GALNT10: variants seen among roughly 807,000 people sequenced by gnomAD.
GALNT10 encodes GalNAc transferase 10.
A neutral mutation model predicts 75.0 loss-of-function variants in GALNT10; 41 were observed. That is an observed-to-expected ratio of 0.55 (90% CI 0.43 to 0.71). GALNT10 has a LOEUF of 0.71. Ranked by LOEUF, GALNT10 falls within the 30% of genes least tolerant of loss-of-function variation. The probability of loss-of-function intolerance (pLI) is 0.00; values close to 1 mark genes in which losing one functional copy is unlikely to be tolerated. For synonymous variants in GALNT10, 302 were observed against 313.0 expected, an observed-to-expected ratio of 0.96 and a Z score of 0.37; for missense variants, 727 against 818.5, an observed-to-expected ratio of 0.89 and a Z score of 1.36.
chr5:154,360,095 G>A (rs1444149266), intron 4 of GALNT10, among the ~76,000 whole-genome samples: 3 of 152,094 alleles, frequency 2.0e-5, no homozygotes, highest in Non-Finnish European at 4.4e-5. Flanking sequence ...GTATTCATCA[G>A]TAGGCTAAGG....
At chr5:154,243,069 C>G (rs1448427835) in intron 1 of GALNT10, among the ~76,000 whole-genome samples, 3 of 152,152 alleles carry the variant, frequency 2.0e-5, no homozygotes, top group African/African-American at 7.2e-5. Flanking sequence ...TGACCTTGAG[C>G]TGGTTACTTC....
At chr5:154,313,172 G>C (rs1486429327) in intron 3 of GALNT10, among the ~76,000 whole-genome samples, 1 of 152,052 alleles carries the variant, frequency 6.6e-6, no homozygotes, top group Admixed American at 6.6e-5. Context: ...AGCCGGGCGT[G>C]ATGGTGAGTG....
chr5:154,262,667 G>C lies in GALNT10; in HGVS notation c.160-32149G>C, dbSNP rs559594850. Reference sequence around the variant, plus strand: ...AGGTTGAGAAGCATTTACCAGGTAAGAGCCACTAGGTCATTGTGCTCAGCA... The same window carrying C: ...AGGTTGAGAAGCATTTACCAGGTAACAGCCACTAGGTCATTGTGCTCAGCA... On this transcript the variant is annotated intron_variant, in intron 1 of 11. Coordinates refer to ENST00000297107, the MANE Select transcript of GALNT10 (RefSeq NM_198321.4). Among the ~76,000 whole-genome samples the C allele has an allele frequency of 1.4e-3, 215 of 152,256 alleles. 2 individuals are homozygous for C. In the Middle Eastern group the frequency reaches 0.041, roughly 29 times the overall value.
intron 3 of GALNT10, among the ~76,000 whole-genome samples, chr5:154,305,655 C>T (rs1363270788): frequency 7.9e-5 from 12 of 152,184 alleles, no homozygotes; most frequent in Non-Finnish European, 1.5e-5. Context: ...ATAAGGAAGA[C>T]ATAGCAATCC....
chr5:154,251,742 C>T (rs1431956815), intron 1 of GALNT10, among the ~76,000 whole-genome samples: 1 of 152,136 alleles, frequency 6.6e-6, no homozygotes, highest in Non-Finnish European at 1.5e-5. Flanking sequence ...ACATTCCCTA[C>T]ACCAGACCTG....
At chr5:154,227,954 A>G (rs1753089627) in intron 1 of GALNT10, among the ~76,000 whole-genome samples, 1 of 152,130 alleles carries the variant, frequency 6.6e-6, no homozygotes, top group African/African-American at 2.4e-5. Flanking sequence ...TGGATCCCTC[A>G]TGGCTTGGTG....
chr5:154,415,344 A>T (rs956163028), intron 10 of GALNT10, among the ~76,000 whole-genome samples: 2 of 148,372 alleles, frequency 1.3e-5, no homozygotes, highest in African/African-American at 2.5e-5. Flanking sequence ...TTGGTAACTT[A>T]TTTTTTTTTT....
chr5:154,209,164 G>A (rs924017961), intron 1 of GALNT10, among the ~76,000 whole-genome samples: 5 of 152,334 alleles, frequency 3.3e-5, no homozygotes, highest in East Asian at 3.9e-4. Context: ...GAAGCTACGC[G>A]TACTGCAGGA....
intron 1 of GALNT10, among the ~76,000 whole-genome samples, chr5:154,220,802 A>G (rs556335351): frequency 6.6e-6 from 1 of 152,300 alleles, no homozygotes; most frequent in South Asian, 2.1e-4. Flanking sequence ...GGTGAACACA[A>G]ATGGCCACAG....
chr5:154,363,492 GAAAAAAAAAA>G (rs57710576), intron 4 of GALNT10, among the ~76,000 whole-genome samples: 18 of 37,538 alleles, frequency 4.8e-4, no homozygotes, highest in Non-Finnish European at 5.9e-4. Flanking sequence ...GCGTTTATCT[GAAAAAAAAAA>G]AAAAAAAAAA....
At chr5:154,192,318 C>T (rs761374687) in intron 1 of GALNT10, among the ~76,000 whole-genome samples, 1 of 152,240 alleles carries the variant, frequency 6.6e-6, no homozygotes, top group Non-Finnish European at 1.5e-5. Context: ...ATTGATCTTT[C>T]TGGTAGAGCT....
intron 1 of GALNT10, among the ~76,000 whole-genome samples, chr5:154,292,959 C>T (rs28534621): frequency 0.11 from 16,796 of 152,100 alleles, 1,093 homozygotes; most frequent in African/African-American, 0.19. Flanking sequence ...GAAAGCATGC[C>T]GCCTTAGTTT....
chr5:154,203,756 G>T (rs1030082000), intron 1 of GALNT10, among the ~76,000 whole-genome samples: 1 of 152,212 alleles, frequency 6.6e-6, no homozygotes, highest in Non-Finnish European at 1.5e-5. Context: ...CTTGGATGAG[G>T]CTCCAGCTGG....
Position 154,225,925 on chromosome 5 carries a change from T to C in GALNT10, c.159+34900T>C, listed in dbSNP as rs528727114. On this transcript the variant is annotated intron_variant, in intron 1 of 11. Coordinates refer to ENST00000297107, the MANE Select transcript of GALNT10 (RefSeq NM_198321.4). The stretch of plus-strand genomic sequence containing the variant: ...CATTGTTTTCACTCATAGGTGGGAA[T>C]TGAACAATGAGAACACTTGGACACA... Among the ~76,000 whole-genome samples, 30 of 152,194 alleles carry C rather than the reference T, an allele frequency of 2.0e-4. 1 individual carries two copies. The South Asian group carries it at 4.8e-3, about 24-fold the overall frequency.
chr5:154,290,730 A>C (rs983101565), intron 1 of GALNT10, among the ~76,000 whole-genome samples: 6 of 152,152 alleles, frequency 3.9e-5, no homozygotes, highest in Non-Finnish European at 8.8e-5. Flanking sequence ...GCAAGGTCAC[A>C]CTCAAGGGTT....
At position 154,224,247 on chromosome 5, in the gene GALNT10, A is replaced by T. The variant is rs150719157; in HGVS notation, c.159+33222A>T. 1.6e-3 allele frequency among the ~76,000 whole-genome samples: 242 copies of T among 152,332 alleles called. 1 individual carries two copies. The highest frequency in any genetic ancestry group is 5.5e-3 in the African/African-American group (230 of 41,584). On this transcript the variant is annotated intron_variant, in intron 1 of 11. Transcript: ENST00000297107. Reference sequence around the variant, plus strand: ...AACCGTTGGGGATCTTGTGGTCCCCACTGTAAGTGTTGGGGCCCCCAGCTA... The same window carrying T: ...AACCGTTGGGGATCTTGTGGTCCCCTCTGTAAGTGTTGGGGCCCCCAGCTA...
intron 1 of GALNT10, among the ~76,000 whole-genome samples, chr5:154,258,611 C>G (rs1230511184): frequency 6.6e-6 from 1 of 152,196 alleles, no homozygotes; most frequent in Non-Finnish European, 1.5e-5. Flanking sequence ...ACCCTTGTCA[C>G]TTACACGGAT....
At chr5:154,372,742 G>A (rs370211354) in intron 4 of GALNT10, among the ~76,000 whole-genome samples, 3 of 152,106 alleles carry the variant, frequency 2.0e-5, no homozygotes, top group Non-Finnish European at 4.4e-5. Context: ...CATGGACCTC[G>A]GCAGCCCCTG....
chr5:154,296,211 C>A (rs766092548), intron 2 of GALNT10, among the ~76,000 whole-genome samples: 1 of 152,148 alleles, frequency 6.6e-6, no homozygotes, highest in African/African-American at 2.4e-5. Context: ...CTCAGCCTCC[C>A]AAGTAGCTGG....
Sources: allele counts gnomAD v4.1 joint callset (sites outside exome capture counted in the v4.1 genomes callset), GRCh38; gene constraint gnomAD v4.1.1; transcripts MANE v1.5; gene names NCBI Gene and HGNC (gene_info 2026-07-23, HGNC 2026-07-21).